The following KCND2 variants were observed in gnomAD, a reference collection of about 807,000 sequenced individuals.
KCND2 encodes A-type voltage-gated potassium channel KCND2.
KCND2 carries 16 observed loss-of-function variants against 54.4 expected under a neutral mutation model. The ratio of observed to expected loss-of-function variants is 0.29; its 90% confidence interval spans 0.20 to 0.45. The LOEUF (loss-of-function observed/expected upper bound fraction) is 0.45, where lower values mean the gene tolerates loss of function less well. KCND2 is among the 20% of genes least tolerant of loss of function. The probability of loss-of-function intolerance (pLI) is 1.00; values close to 1 mark genes in which losing one functional copy is unlikely to be tolerated. For missense variants in KCND2, 486 were observed against 824.2 expected, an observed-to-expected ratio of 0.59 and a Z score of 5.02; for synonymous variants, 317 against 310.7, an observed-to-expected ratio of 1.02 and a Z score of -0.21.
At chr7:120,582,710 A>T (rs1792533287) in intron 1 of KCND2, among the ~76,000 whole-genome samples, 1 of 152,216 alleles carries the variant, frequency 6.6e-6, no homozygotes, top group Non-Finnish European at 1.5e-5. Flanking sequence ...TAAGATATAT[A>T]ATTAAATAAT....
At chr7:120,418,510 C>A (rs768007554) in intron 1 of KCND2, among the ~76,000 whole-genome samples, 1 of 152,058 alleles carries the variant, frequency 6.6e-6, no homozygotes. Context: ...TCAAACCAGG[C>A]GGTTTGTTAA....
At chr7:120,626,187 T>C (rs1275934560) in intron 1 of KCND2, among the ~76,000 whole-genome samples, 1 of 152,164 alleles carries the variant, frequency 6.6e-6, no homozygotes, top group Non-Finnish European at 1.5e-5. Flanking sequence ...ATTTGCCTGG[T>C]CCATTTTTGT....
intron 1 of KCND2, among the ~76,000 whole-genome samples, chr7:120,288,140 G>T (rs1020980201): frequency 6.6e-6 from 1 of 152,086 alleles, no homozygotes; most frequent in African/African-American, 2.4e-5. Flanking sequence ...GGATAGGTAG[G>T]CTGAGCTTTT....
At position 120,750,221 on chromosome 7, in the gene KCND2, G is replaced by A. The variant is rs1793054843; in HGVS notation, c.*2363G>A. On this transcript the variant is annotated 3_prime_UTR_variant, in exon 6 of 6. Coordinates refer to ENST00000331113, the MANE Select transcript of KCND2 (RefSeq NM_012281.3). Reference sequence around the variant, plus strand: ...TAAGGTCATTGTTTTTGACAATTTTGTTTGAAATTCATATATCTTATTTCA... The same window carrying A: ...TAAGGTCATTGTTTTTGACAATTTTATTTGAAATTCATATATCTTATTTCA... 6.6e-6 allele frequency: 1 copy of A among 152,296 alleles called. No individual in the cohort carries two copies. Among genetic ancestry groups the A allele is most frequent in the South Asian group, 2.1e-4 (1 of 4,822 alleles). The allele number at this position is 152,296 out of a possible 1,614,324, so 9.4% of individuals were successfully genotyped here. A position where few individuals can be genotyped will look rare whatever the true frequency, so the allele number is the denominator to read the frequency against.
intron 1 of KCND2, among the ~76,000 whole-genome samples, chr7:120,614,603 A>G (rs1466311975): frequency 6.6e-6 from 1 of 152,210 alleles, no homozygotes; most frequent in African/African-American, 2.4e-5. Flanking sequence ...TATGTTCCCC[A>G]GCTAAGCCCA....
intron 1 of KCND2, among the ~76,000 whole-genome samples, chr7:120,604,926 A>C (rs1386113849): frequency 6.6e-6 from 1 of 152,168 alleles, no homozygotes; most frequent in Non-Finnish European, 1.5e-5. Context: ...GATTATTCCT[A>C]CTCTATCCAA....
chr7:120,416,088 A>G (rs1441079768), intron 1 of KCND2, among the ~76,000 whole-genome samples: 1 of 152,116 alleles, frequency 6.6e-6, no homozygotes, highest in Non-Finnish European at 1.5e-5. Flanking sequence ...TCTTGCCAAC[A>G]TTGCTTCAAT....
chr7:120,523,763 C>A (rs1791733325), intron 1 of KCND2, among the ~76,000 whole-genome samples: 2 of 142,032 alleles, frequency 1.4e-5, no homozygotes, highest in Admixed American at 7.1e-5. Flanking sequence ...TTTGGCCTAT[C>A]AAGAATAACA....
intron 1 of KCND2, among the ~76,000 whole-genome samples, chr7:120,277,452 ACTTGAATAAAAAAGATT>A (rs1354446356): frequency 6.6e-6 from 1 of 152,070 alleles, no homozygotes; most frequent in Non-Finnish European, 1.5e-5. Flanking sequence ...TTAGAAGTAC[ACTTGAATAAAAAAGATT>A]CTGTTTTAAT....
At chr7:120,436,776 G>T (rs950544301) in intron 1 of KCND2, among the ~76,000 whole-genome samples, 13 of 152,110 alleles carry the variant, frequency 8.5e-5, no homozygotes, top group African/African-American at 3.1e-4. Flanking sequence ...TAGGCCTTCT[G>T]GCTCTATGAG....
intron 1 of KCND2, among the ~76,000 whole-genome samples, chr7:120,399,859 G>A (rs1584762924): frequency 6.6e-6 from 1 of 151,996 alleles, no homozygotes; most frequent in East Asian, 1.9e-4. Context: ...CTGAGTAGCT[G>A]GAAGTACAGG....
chr7:120,341,937 C>T (rs1800245266), intron 1 of KCND2, among the ~76,000 whole-genome samples: 2 of 152,022 alleles, frequency 1.3e-5, no homozygotes, highest in Admixed American at 6.6e-5. Context: ...GGAGGAAAAT[C>T]GTATAGAAAC....
intron 1 of KCND2, among the ~76,000 whole-genome samples, chr7:120,701,254 A>AT (rs1792398581): frequency 3.3e-5 from 4 of 121,512 alleles, no homozygotes; most frequent in Non-Finnish European, 6.8e-5. Flanking sequence ...AAAAAAAAAA[A>AT]AAAAAAAAAA....
chr7:120,275,658 G>A lies in KCND2; in HGVS notation c.1026G>A (p.Met342Ile). 6.2e-7 allele frequency: 1 copy of A among 1,605,290 alleles called. No homozygotes were observed. Among genetic ancestry groups the A allele is most frequent in the Non-Finnish European group, 8.5e-7 (1 of 1,179,966 alleles). The change falls in exon 1 of 6, where the codon ATG becomes ATA. Residue 342 changes from methionine (M) to isoleucine (I), a missense_variant. Coordinates refer to ENST00000331113, the MANE Select transcript of KCND2 (RefSeq NM_012281.3). ...CTATCATCATCTTCGCTACAGTTAT[G>A]TTCTACGCAGAGAAGGGGTCTTCGG... Reference protein sequence around the residue: ...TMAIIIFATVMFYAEKGSSAS... With the variant: ...TMAIIIFATVIFYAEKGSSAS...
At chr7:120,583,283 G>A (rs1792543421) in intron 1 of KCND2, among the ~76,000 whole-genome samples, 1 of 151,948 alleles carries the variant, frequency 6.6e-6, no homozygotes, top group Non-Finnish European at 1.5e-5. Flanking sequence ...TCTTCTTGAT[G>A]ACTATTTTCA....
intron 1 of KCND2, among the ~76,000 whole-genome samples, chr7:120,706,551 G>A (rs1187627396): frequency 2.6e-5 from 4 of 152,150 alleles, no homozygotes; most frequent in Non-Finnish European, 5.9e-5. Context: ...CAATGGAACA[G>A]GTCTCATGGC....
intron 1 of KCND2, among the ~76,000 whole-genome samples, chr7:120,582,693 T>A (rs537287579): frequency 3.1e-4 from 47 of 152,248 alleles, no homozygotes; most frequent in African/African-American, 1.1e-3. Context: ...TATAAAAAAA[T>A]ATATTCTAAG....
At chr7:120,299,607 A>G (rs1584719137) in intron 1 of KCND2, among the ~76,000 whole-genome samples, 1 of 152,174 alleles carries the variant, frequency 6.6e-6, no homozygotes, top group Non-Finnish European at 1.5e-5. Flanking sequence ...TGCTTTGGTT[A>G]TTTCTTCATC....
At chr7:120,499,869 C>T (rs999498298) in intron 1 of KCND2, among the ~76,000 whole-genome samples, 14 of 151,974 alleles carry the variant, frequency 9.2e-5, no homozygotes, top group Non-Finnish European at 2.9e-5. Context: ...TCTTATTTAT[C>T]CTATTAGATG....
Sources: gnomAD v4.1 joint callset for allele counts (sites outside exome capture counted in the v4.1 genomes callset) on GRCh38, gnomAD v4.1.1 for gene constraint, MANE v1.5 for transcripts, NCBI Gene and HGNC (gene_info 2026-07-23, HGNC 2026-07-21) for gene names.